Variants in TMEM266 observed in about 807,000 individuals in gnomAD.
TMEM266 encodes the protein Hv1 related protein 1.
A neutral mutation model predicts 50.5 loss-of-function variants in TMEM266; 33 were observed. That is an observed-to-expected ratio of 0.65 (90% CI 0.50 to 0.87). The LOEUF is 0.87. TMEM266 is among the 40% of genes least tolerant of loss of function. The pLI is 0.00. For missense variants in TMEM266, 655 were observed against 695.1 expected, an observed-to-expected ratio of 0.94 and a Z score of 0.65; for synonymous variants, 310 against 292.3, an observed-to-expected ratio of 1.06 and a Z score of -0.62.
chr15:76,204,063 G>A lies in TMEM266; in HGVS notation c.1344G>A (p.Ser448=), dbSNP rs775944851. Residue 448 remains serine, a synonymous_variant, in exon 11 of 11, where the codon TCG becomes TCA. Coordinates refer to ENST00000388942, the MANE Select transcript of TMEM266 (RefSeq NM_152335.3). ...TCCAGGACCTGCTGTCCTCCCTGTCGGAGGACCCCTGCCCTTCCCAGAAGG... is the reference window on the plus strand; with the variant it reads ...TCCAGGACCTGCTGTCCTCCCTGTCAGAGGACCCCTGCCCTTCCCAGAAGG... 2.4e-5 allele frequency: 38 copies of A among 1,612,120 alleles called. No individual in the cohort carries two copies. Among genetic ancestry groups the A allele is most frequent in the African/African-American group, 6.7e-5 (5 of 74,862 alleles).
At chr15:76,159,146 G>A (rs2037974439) in intron 4 of TMEM266, among the ~76,000 whole-genome samples, 1 of 152,168 alleles carries the variant, frequency 6.6e-6, no homozygotes. Context: ...GTATCCCAGG[G>A]TATCCCACCA....
chr15:76,191,930 C>G (rs532578638), intron 8 of TMEM266, 38 bp from the exon 9 acceptor site: 23 of 1,530,876 alleles, frequency 1.5e-5, no homozygotes, highest in Admixed American at 2.0e-5. Context: ...CCGCCGGCCC[C>G]TCGCCGCTGA....
intron 3 of TMEM266, among the ~76,000 whole-genome samples, chr15:76,155,759 G>C (rs1368221107): frequency 6.6e-6 from 1 of 152,124 alleles, no homozygotes; most frequent in African/African-American, 2.4e-5. Flanking sequence ...ACATTCTGTG[G>C]AACTAGTGTT....
chr15:76,204,180 G>A lies in TMEM266; in HGVS notation c.1461G>A (p.Gln487=). The A allele has an allele frequency of 6.2e-7, 1 of 1,613,828 alleles. No homozygotes were observed. The change falls in exon 11 of 11, where the codon CAG becomes CAA. Residue 487 remains glutamine (Q), a synonymous_variant. Transcript: ENST00000388942. ...AACACAGGGTAAGTCTGTTCAACCA[G>A]AAGAACCAGGAGGGCTTCACTGTCT...
chr15:76,137,444 C>T (rs1391470), intron 2 of TMEM266, among the ~76,000 whole-genome samples: 16,347 of 152,152 alleles, frequency 0.11, 2,478 homozygotes, highest in African/African-American at 0.34. Flanking sequence ...AAGGACTCTG[C>T]CCCACTAAAG....
rs1264996845 is a variant in TMEM266 at position 76,160,395 on chromosome 15, AC to A, written c.456+231del. ...CCCTAGCAGGTGATTCCTGGGAGGA[AC>A]CCCAGTGGATGAGCAGGTGTTCTCC... On this transcript the variant is annotated intron_variant, in intron 5 of 10. Transcript: ENST00000388942. The surrounding 1 kb of genome is among the most constrained non-coding windows in gnomAD (Gnocchi z 5.7). Among the ~76,000 whole-genome samples, 1 of 152,096 alleles carries A rather than the reference AC, an allele frequency of 6.6e-6. No individual in the cohort carries two copies. The highest frequency in any genetic ancestry group is 1.5e-5 in the Non-Finnish European group (1 of 68,014).
In TMEM266 at chr15:76,153,089, C is replaced by A. The variant is rs529900709; in HGVS notation, c.228-3515C>A. 1.3e-5 allele frequency among the ~76,000 whole-genome samples: 2 copies of A among 151,718 alleles called. No individual in the cohort carries two copies. Among genetic ancestry groups the A allele is most frequent in the Non-Finnish European group, 2.9e-5 (2 of 67,982 alleles). On this transcript the variant is annotated intron_variant, in intron 3 of 10. Coordinates refer to ENST00000388942, the MANE Select transcript of TMEM266 (RefSeq NM_152335.3). This position sits in a 1 kb window ranked among gnomAD's most constrained non-coding sequence, Gnocchi z 4.2. Reference sequence around the variant, plus strand: ...CACAGGTAACTCCAGACGCCCACCTCCTGCAGCTTCCTAACCACCTGATAT... The same window carrying A: ...CACAGGTAACTCCAGACGCCCACCTACTGCAGCTTCCTAACCACCTGATAT...
chr15:76,120,282 A>G (rs1287365371), intron 1 of TMEM266, among the ~76,000 whole-genome samples: 1 of 152,122 alleles, frequency 6.6e-6, no homozygotes, highest in Non-Finnish European at 1.5e-5. Context: ...CATTCGCACC[A>G]TGGAATATAT....
Position 76,123,226 on chromosome 15 carries a change from A to C in TMEM266, c.-96-10942A>C, listed in dbSNP as rs1596118706. 1.3e-5 allele frequency among the ~76,000 whole-genome samples: 2 copies of C among 152,320 alleles called. 1 individual carries two copies. On this transcript the variant is annotated intron_variant, in intron 1 of 10. Coordinates refer to ENST00000388942, the MANE Select transcript of TMEM266 (RefSeq NM_152335.3). ...CTCAGGTGTGTGATTGATTTTCTTC[A>C]TTTTAGCTCCTTGTTAATGGAGTAA... is the stretch of plus-strand genomic sequence containing the variant.
chr15:76,105,260 GA>G (rs369480995), intron 1 of TMEM266, among the ~76,000 whole-genome samples: 5 of 151,318 alleles, frequency 3.3e-5, no homozygotes, highest in South Asian at 4.2e-4. Context: ...AAAAAGTAAA[GA>G]AAAAAAAAGT....
chr15:76,111,231 C>T (rs948551757), intron 1 of TMEM266, among the ~76,000 whole-genome samples: 1 of 152,204 alleles, frequency 6.6e-6, no homozygotes, highest in African/African-American at 2.4e-5. Flanking sequence ...CAGGTGTGCG[C>T]CACAATGCCC....
At chr15:76,106,024 A>G (rs373392581) in intron 1 of TMEM266, among the ~76,000 whole-genome samples, 1 of 152,152 alleles carries the variant, frequency 6.6e-6, no homozygotes, top group East Asian at 1.9e-4. Flanking sequence ...CACCCTGTCT[A>G]GCAACCTCTC....
intron 8 of TMEM266, among the ~76,000 whole-genome samples, chr15:76,187,580 C>G (rs913721017): frequency 5.9e-5 from 9 of 152,214 alleles, no homozygotes; most frequent in African/African-American, 2.2e-4. Context: ...AATGAGCTAG[C>G]CTCGCTTTCT....
Position 76,168,871 on chromosome 15 carries a change from A to G in TMEM266, c.457-945A>G, listed in dbSNP as rs1262501903. Among the ~76,000 whole-genome samples the G allele has an allele frequency of 6.6e-6, 1 of 152,172 alleles. No individual in the cohort carries two copies. Among genetic ancestry groups the G allele is most frequent in the Non-Finnish European group, 1.5e-5 (1 of 68,020 alleles). On this transcript the variant is annotated intron_variant, in intron 5 of 10. Coordinates refer to ENST00000388942, the MANE Select transcript of TMEM266 (RefSeq NM_152335.3). This position sits in a 1 kb window ranked among gnomAD's most constrained non-coding sequence, Gnocchi z 4.4. Reference sequence around the variant, plus strand: ...GAGCCGGGGAGTGTGCAAGAGCTTCATGGAGGTGACGTTCAAGCCAGAAGG... The same window carrying G: ...GAGCCGGGGAGTGTGCAAGAGCTTCGTGGAGGTGACGTTCAAGCCAGAAGG...
At chr15:76,111,074 T>C (rs1300200794) in intron 1 of TMEM266, among the ~76,000 whole-genome samples, 2 of 143,054 alleles carry the variant, frequency 1.4e-5, no homozygotes, top group Non-Finnish European at 3.0e-5. Context: ...AGACACACTT[T>C]CGCAGTTTCT....
At chr15:76,120,565 A>G (rs2037324921) in intron 1 of TMEM266, among the ~76,000 whole-genome samples, 1 of 152,094 alleles carries the variant, frequency 6.6e-6, no homozygotes, top group Non-Finnish European at 1.5e-5. Context: ...GTTAGAGACC[A>G]GCCTGGGCAA....
At position 76,204,084 on chromosome 15, in the gene TMEM266, G is replaced by A. The variant is rs750467362; in HGVS notation, c.1365G>A (p.Gln455=). 1.2e-5 allele frequency: 20 copies of A among 1,612,490 alleles called. No individual in the cohort carries two copies. Among genetic ancestry groups the A allele is most frequent in the Non-Finnish European group, 1.7e-5 (20 of 1,179,516 alleles). The change falls in exon 11 of 11, where the codon CAG becomes CAA. Residue 455 remains glutamine (Q), a synonymous_variant. Transcript: ENST00000388942. ...TGTCGGAGGACCCCTGCCCTTCCCA[G>A]AAGGCCTTGGACCCAGCCCCCCTCG...
chr15:76,192,311 T>G lies in TMEM266; in HGVS notation c.958+154T>G, dbSNP rs111826290. Among the ~76,000 whole-genome samples the G allele has an allele frequency of 6.1e-4, 93 of 152,232 alleles. 1 individual carries two copies. Among genetic ancestry groups the G allele is most frequent in the African/African-American group, 2.2e-3 (92 of 41,528 alleles). The stretch of plus-strand genomic sequence containing the variant: ...TGATTGGGGGACACGCTCAGATCAG[T>G]AGCCTCGGTACTGCCTGTCAGAGCC... On this transcript the variant is annotated intron_variant, in intron 9 of 10. Transcript: ENST00000388942.
At chr15:76,079,046 G>T (rs551487768) in intron 1 of TMEM266, among the ~76,000 whole-genome samples, 1 of 152,134 alleles carries the variant, frequency 6.6e-6, no homozygotes, top group South Asian at 2.1e-4. Flanking sequence ...CTTGGCATTC[G>T]TATTCTGAGC....
Sources: gnomAD v4.1 joint callset for allele counts (sites outside exome capture counted in the v4.1 genomes callset) on GRCh38, gnomAD v4.1.1 for gene constraint, Gnocchi (gnomAD v3.1) non-coding constraint, MANE v1.5 for transcripts, NCBI Gene and HGNC (gene_info 2026-07-23, HGNC 2026-07-21) for gene names.